DSCAML1: variants seen among roughly 807,000 people sequenced by gnomAD.
The protein encoded by DSCAML1 is DS cell adhesion molecule like 1, also known as cell adhesion molecule DSCAML1.
DSCAML1 carries 38 observed loss-of-function variants against 200.5 expected under a neutral mutation model. The ratio of observed to expected loss-of-function variants is 0.19; its 90% CI spans 0.15 to 0.25. The LOEUF (loss-of-function observed/expected upper bound fraction) is 0.25. Ranked by LOEUF, DSCAML1 falls within the 10% of genes least tolerant of loss-of-function variation. The pLI, the probability that DSCAML1 is intolerant of heterozygous loss-of-function variation, is 1.00. For missense variants in DSCAML1, 2,223 were observed against 2,858.8 expected (o/e 0.78, Z 5.07); for synonymous variants, 1,215 against 1,165.0 (o/e 1.04, Z -0.87).
intron 13 of DSCAML1, 72 bp downstream of exon 13, chr11:117,481,102 T>A: frequency 2.1e-6 from 3 of 1,422,222 alleles, no homozygotes; most frequent in Non-Finnish European, 3.0e-6. Context: ...CCCTGCTCTT[T>A]GAGGTGGAGT....
intron 3 of DSCAML1, among the ~76,000 whole-genome samples, chr11:117,714,428 C>A (rs112082834): frequency 0.014 from 2,116 of 152,210 alleles, 47 homozygotes; most frequent in African/African-American, 0.048. Context: ...TTTAAAGCAG[C>A]AACAAGAGCC....
At chr11:117,816,604 G>A (rs932383142) in intron 1 of DSCAML1, among the ~76,000 whole-genome samples, 2 of 152,186 alleles carry the variant, frequency 1.3e-5, no homozygotes, top group African/African-American at 4.8e-5. Context: ...GAAGCCTGGA[G>A]AGTCTGGGAG....
At chr11:117,433,588 C>A in intron 27 of DSCAML1, 117 bp from the exon 28 acceptor site, 1 of 1,134,486 alleles carries the variant, frequency 8.8e-7, no homozygotes, top group South Asian at 1.6e-5. Context: ...CAGGGCTGGT[C>A]TCCTAAGAAG....
At chr11:117,579,626 G>A (rs1263145907) in intron 3 of DSCAML1, among the ~76,000 whole-genome samples, 1 of 152,098 alleles carries the variant, frequency 6.6e-6, no homozygotes, top group Non-Finnish European at 1.5e-5. Flanking sequence ...ACAGTATGTG[G>A]CACTGTTTGA....
At chr11:117,654,889 A>G (rs1334093742) in intron 3 of DSCAML1, among the ~76,000 whole-genome samples, 1 of 152,140 alleles carries the variant, frequency 6.6e-6, no homozygotes, top group African/African-American at 2.4e-5. Context: ...TGGTGGGGCC[A>G]CCTGCAATGG....
At chr11:117,530,771 C>T (rs767902899) in intron 4 of DSCAML1, among the ~76,000 whole-genome samples, 6 of 152,090 alleles carry the variant, frequency 3.9e-5, no homozygotes, top group Admixed American at 1.3e-4. Context: ...GAGCTCTGAG[C>T]GGCAGAGGCA....
At chr11:117,726,419 G>A (rs989787612) in intron 3 of DSCAML1, among the ~76,000 whole-genome samples, 1 of 151,868 alleles carries the variant, frequency 6.6e-6, no homozygotes, top group African/African-American at 2.4e-5. Context: ...AAATCCCTTA[G>A]GTAACATTTA....
chr11:117,759,431 C>T (rs375024128), intron 3 of DSCAML1, among the ~76,000 whole-genome samples: 162 of 152,250 alleles, frequency 1.1e-3, no homozygotes, highest in African/African-American at 3.8e-3. Flanking sequence ...CCAGGACACC[C>T]TCTGTTCTCC....
At chr11:117,710,098 T>C (rs957000374) in intron 3 of DSCAML1, among the ~76,000 whole-genome samples, 2 of 152,240 alleles carry the variant, frequency 1.3e-5, no homozygotes, top group South Asian at 4.1e-4. Context: ...ATTTTCATTT[T>C]ACTTTGCTTC....
At chr11:117,727,391 C>G (rs140123696) in intron 3 of DSCAML1, among the ~76,000 whole-genome samples, 1 of 152,198 alleles carries the variant, frequency 6.6e-6, no homozygotes. Context: ...TCTCTCCATC[C>G]GTCTTCAGCA....
chr11:117,435,435 G>A (rs1210401440), intron 27 of DSCAML1, among the ~76,000 whole-genome samples: 1 of 152,238 alleles, frequency 6.6e-6, no homozygotes, highest in East Asian at 1.9e-4. Context: ...ACTGGGGCAG[G>A]CACAAAGTCT....
chr11:117,770,016 G>A (rs2055008486), intron 3 of DSCAML1, among the ~76,000 whole-genome samples: 1 of 152,068 alleles, frequency 6.6e-6, no homozygotes, highest in African/African-American at 2.4e-5. Flanking sequence ...CCATTTGCCT[G>A]TGCCTGCACT....
At chr11:117,538,999 C>T (rs1774023831) in intron 3 of DSCAML1, among the ~76,000 whole-genome samples, 2 of 152,184 alleles carry the variant, frequency 1.3e-5, no homozygotes, top group Admixed American at 6.5e-5. Flanking sequence ...GCTTTCAATC[C>T]ACGTCAGATC....
chr11:117,613,437 G>A (rs2051738623), intron 3 of DSCAML1, among the ~76,000 whole-genome samples: 2 of 152,080 alleles, frequency 1.3e-5, no homozygotes. Context: ...ATAATAGGGT[G>A]CGCTCTCCTC....
chr11:117,594,126 G>C (rs1213120150), intron 3 of DSCAML1, among the ~76,000 whole-genome samples: 4 of 152,192 alleles, frequency 2.6e-5, no homozygotes, highest in Admixed American at 2.6e-4. Context: ...GACAGAAAAA[G>C]GAAAGAGGGG....
intron 3 of DSCAML1, among the ~76,000 whole-genome samples, chr11:117,551,557 A>AAAGGG (rs1314990349): frequency 6.6e-6 from 1 of 152,270 alleles, no homozygotes; most frequent in African/African-American, 2.4e-5. Flanking sequence ...TGCAGGGTAG[A>AAAGGG]AAGGGAAGGG....
rs1252658576 is a variant in DSCAML1 at position 117,503,141 on chromosome 11, T to C, written c.2359+704A>G. Among the ~76,000 whole-genome samples the C allele has an allele frequency of 6.6e-6, 1 of 152,132 alleles. No individual in the cohort carries two copies. Among genetic ancestry groups the C allele is most frequent in the Non-Finnish European group, 1.5e-5 (1 of 68,016 alleles). On this transcript the variant is annotated intron_variant, in intron 11 of 32. Coordinates refer to ENST00000651296, the MANE Select transcript of DSCAML1 (RefSeq NM_020693.4). This position sits in a 1 kb window ranked among gnomAD's most constrained non-coding sequence, Gnocchi z 5.2. ...TGGGATAGCAAATAGGCAGTGTGCT[T>C]CTAGGGCCGTTGAGGCTGGCTCTGG... is the stretch of plus-strand genomic sequence containing the variant.
intron 3 of DSCAML1, among the ~76,000 whole-genome samples, chr11:117,725,507 T>A (rs2054110762): frequency 6.6e-6 from 1 of 152,294 alleles, no homozygotes; most frequent in East Asian, 1.9e-4. Flanking sequence ...TATGACTAAA[T>A]CAAGTTGGGT....
At chr11:117,523,385 C>G (rs1285856320) in intron 5 of DSCAML1, among the ~76,000 whole-genome samples, 1 of 152,134 alleles carries the variant, frequency 6.6e-6, no homozygotes, top group Non-Finnish European at 1.5e-5. Context: ...AGGGAGGTGC[C>G]AATCCTGATC....
Sources: allele counts gnomAD v4.1 joint callset (sites outside exome capture counted in the v4.1 genomes callset), GRCh38; gene constraint gnomAD v4.1.1; non-coding constraint Gnocchi (gnomAD v3.1); transcripts MANE v1.5; gene names NCBI Gene and HGNC (gene_info 2026-07-23, HGNC 2026-07-21).